Variants in ULK4 observed in about 807,000 individuals in gnomAD.
ULK4 encodes the protein inactive serine/threonine-protein kinase ULK4.
A neutral mutation model predicts 160.6 loss-of-function variants in ULK4; 133 were observed. That is an observed-to-expected ratio of 0.83 (90% CI 0.72 to 0.96). ULK4 has a LOEUF of 0.96. ULK4 is among the 40% of genes least tolerant of loss of function. ULK4 has a pLI of 0.00. For missense variants in ULK4, 1,580 were observed against 1,499.5 expected, an observed-to-expected ratio of 1.05 and a Z score of -0.89; for synonymous variants, 534 against 539.8, an observed-to-expected ratio of 0.99 and a Z score of 0.15.
At chr3:41,658,615 G>C in intron 30 of ULK4, among the ~76,000 whole-genome samples, 1 of 152,078 alleles carries the variant, frequency 6.6e-6, no homozygotes, top group East Asian at 1.9e-4. Context: ...CTATGTATCT[G>C]TTTAAAGGAG....
chr3:41,726,901 G>A (rs114171765), intron 22 of ULK4, among the ~76,000 whole-genome samples: 1,892 of 152,210 alleles, frequency 0.012, 38 homozygotes, highest in African/African-American at 0.041. Context: ...GCCCACTTCT[G>A]CCTCCCAAAG....
intron 34 of ULK4, among the ~76,000 whole-genome samples, chr3:41,405,282 C>T (rs891679354): frequency 1.3e-5 from 2 of 152,156 alleles, no homozygotes; most frequent in African/African-American, 2.4e-5. Context: ...CCAACTCCAT[C>T]CATGTTGCTG....
chr3:41,282,071 A>G (rs1053594028), intron 35 of ULK4, among the ~76,000 whole-genome samples: 2 of 152,208 alleles, frequency 1.3e-5, no homozygotes, highest in African/African-American at 4.8e-5. Context: ...AGAGAATAAA[A>G]TACCTAGGAA....
chr3:41,408,724 A>G (rs1018841289), intron 34 of ULK4, among the ~76,000 whole-genome samples: 4 of 152,122 alleles, frequency 2.6e-5, no homozygotes, highest in African/African-American at 7.2e-5. Context: ...CTACAAAGCA[A>G]CAGTAATCCA....
At chr3:41,420,282 T>C (rs935095234) in intron 34 of ULK4, among the ~76,000 whole-genome samples, 2 of 151,930 alleles carry the variant, frequency 1.3e-5, no homozygotes, top group African/African-American at 4.8e-5. Context: ...ATATTTTTAA[T>C]GATAGTCTTC....
intron 18 of ULK4, among the ~76,000 whole-genome samples, chr3:41,828,288 A>T (rs373384736): frequency 7.4e-6 from 1 of 135,226 alleles, no homozygotes; most frequent in Non-Finnish European, 1.6e-5. Flanking sequence ...AGTGTTGGAA[A>T]TTCTGGCCAG....
chr3:41,362,186 T>C (rs957615388), intron 35 of ULK4, among the ~76,000 whole-genome samples: 28 of 152,184 alleles, frequency 1.8e-4, no homozygotes, highest in African/African-American at 6.8e-4. Flanking sequence ...CCTACAGGCA[T>C]AGACTTGTGG....
At chr3:41,943,070 G>A (rs1330063609) in intron 2 of ULK4, among the ~76,000 whole-genome samples, 1 of 151,712 alleles carries the variant, frequency 6.6e-6, no homozygotes, top group Non-Finnish European at 1.5e-5. Flanking sequence ...AAAATTAGCC[G>A]GGCATGGTGG....
chr3:41,929,075 C>T (rs1216224013), intron 5 of ULK4, among the ~76,000 whole-genome samples: 12 of 151,976 alleles, frequency 7.9e-5, no homozygotes, highest in Admixed American at 7.2e-4. Flanking sequence ...CGATAAACAT[C>T]GATGTGAAAA....
At chr3:41,378,162 G>T in intron 35 of ULK4, among the ~76,000 whole-genome samples, 1 of 145,472 alleles carries the variant, frequency 6.9e-6, no homozygotes, top group African/African-American at 2.6e-5. Context: ...CTTATAGGTG[G>T]GAATTGAACA....
intron 18 of ULK4, among the ~76,000 whole-genome samples, chr3:41,831,642 A>G (rs965670619): frequency 4.6e-5 from 7 of 151,774 alleles, no homozygotes; most frequent in East Asian, 1.9e-4. Flanking sequence ...TCAACCCATC[A>G]TCTAGGTTTT....
intron 32 of ULK4, among the ~76,000 whole-genome samples, chr3:41,476,987 ATC>A (rs2084164988): frequency 6.6e-6 from 1 of 152,192 alleles, no homozygotes; most frequent in African/African-American, 2.4e-5. Flanking sequence ...CATGCCTGTT[ATC>A]TCTCTCAGAG....
chr3:41,756,807 TC>T (rs1221784127), intron 21 of ULK4, among the ~76,000 whole-genome samples: 2 of 152,194 alleles, frequency 1.3e-5, no homozygotes, highest in Admixed American at 1.3e-4. Context: ...CTGTCTCATG[TC>T]CTACTTCAAA....
At chr3:41,673,293 AC>A (rs1298173159) in intron 29 of ULK4, among the ~76,000 whole-genome samples, 2 of 151,990 alleles carry the variant, frequency 1.3e-5, no homozygotes, top group Non-Finnish European at 2.9e-5. Context: ...ATACAGAACC[AC>A]CCCGATGTCC....
chr3:41,619,105 T>TGCC (rs2033120269), intron 30 of ULK4, among the ~76,000 whole-genome samples: 1 of 152,032 alleles, frequency 6.6e-6, no homozygotes, highest in Non-Finnish European at 1.5e-5. Flanking sequence ...ATGCACCCAA[T>TGCC]ACAGGAGGAC....
intron 22 of ULK4, among the ~76,000 whole-genome samples, chr3:41,749,585 T>C (rs1466300974): frequency 6.6e-6 from 1 of 152,168 alleles, no homozygotes; most frequent in Admixed American, 6.5e-5. Context: ...AGCTATGATG[T>C]TCAGTAGGTT....
intron 35 of ULK4, among the ~76,000 whole-genome samples, chr3:41,316,785 C>T (rs1265589869): frequency 6.6e-6 from 1 of 152,190 alleles, no homozygotes; most frequent in Non-Finnish European, 1.5e-5. Flanking sequence ...CTCTCAACTA[C>T]TGTGCAAACT....
At chr3:41,440,608 T>C (rs962802050) in intron 34 of ULK4, among the ~76,000 whole-genome samples, 4 of 152,132 alleles carry the variant, frequency 2.6e-5, no homozygotes, top group African/African-American at 7.2e-5. Context: ...AGGATATTGG[T>C]AGTTTTCTTT....
intron 2 of ULK4, among the ~76,000 whole-genome samples, chr3:41,944,907 G>A (rs1716694): frequency 6.6e-6 from 1 of 151,974 alleles, no homozygotes; most frequent in East Asian, 1.9e-4. Context: ...TACCACTGAC[G>A]TTATTTGACC....
Sources: allele counts gnomAD v4.1 joint callset (sites outside exome capture counted in the v4.1 genomes callset), GRCh38; gene constraint gnomAD v4.1.1; transcripts MANE v1.5; gene names NCBI Gene and HGNC (gene_info 2026-07-23, HGNC 2026-07-21).